Variants in OR4D2 observed in about 807,000 individuals in gnomAD.
OR4D2 encodes olfactory receptor 4D2.
A neutral mutation model predicts 12.4 loss-of-function variants in OR4D2; 9 were observed. The ratio of observed to expected loss-of-function variants is 0.73; its 90% CI spans 0.44 to 1.27. The LOEUF is 1.27. OR4D2 is among the 50% of genes most tolerant of loss of function. The pLI is 0.00. For synonymous variants in OR4D2, 151 were observed against 151.1 expected (o/e 1.00, Z 0.01); for missense variants, 373 against 381.6 (o/e 0.98, Z 0.19).
chr17:58,167,591 T>G (rs1335079308), intron 1 of OR4D2, among the ~76,000 whole-genome samples: 1 of 152,190 alleles, frequency 6.6e-6, no homozygotes, highest in African/African-American at 2.4e-5. Flanking sequence ...ACCCTCAGTT[T>G]ATCCACAGAG....
At position 58,170,133 on chromosome 17, in the gene OR4D2, C is replaced by T. The variant is rs770800908; in HGVS notation, c.478C>T (p.Leu160=). Residue 160 remains leucine, a synonymous_variant, in exon 2 of 2, where the codon CTG becomes TTG. Transcript: ENST00000545221. ...VGGFVHSIVQ[L]ALMLPLPFCG... is the part of the protein sequence containing the mutation. ...AGGCTTTGTCCACTCTATTGTCCAG[C>T]TGGCTCTGATGCTCCCACTGCCCTT... The T allele has an allele frequency of 1.2e-6, 2 of 1,614,138 alleles. No homozygotes were observed. Among genetic ancestry groups the T allele is most frequent in the South Asian group, 2.2e-5 (2 of 91,090 alleles).
intron 1 of OR4D2, 85 bp from the exon 2 acceptor site, chr17:58,169,553 C>A: frequency 2.3e-6 from 2 of 853,570 alleles, no homozygotes; most frequent in South Asian, 1.4e-5. Context: ...ATCATATGGG[C>A]CTAAAACCTT....
intron 1 of OR4D2, among the ~76,000 whole-genome samples, 161 bp downstream of exon 1, chr17:58,167,214 A>G (rs893919338): frequency 5.9e-5 from 9 of 152,340 alleles, no homozygotes; most frequent in Non-Finnish European, 8.8e-5. Flanking sequence ...TCTAGTTAAG[A>G]GAAGCAATAG....
At position 58,169,962 on chromosome 17, in the gene OR4D2, T is replaced by A. The variant is rs1967940062; in HGVS notation, c.307T>A (p.Phe103Ile). ...SYQGCMGQIF[F>I]FHFLGGAMVF... ...CCAGGGCTGCATGGGTCAGATCTTC[T>A]TCTTCCACTTTTTGGGAGGTGCCAT... Residue 103 changes from phenylalanine (F) to isoleucine (I), a missense_variant, in exon 2 of 2, where the codon TTC becomes ATC. Physicochemically the swap from Phe to Ile is conservative, Grantham distance 21. Transcript: ENST00000545221. 3.7e-6 allele frequency: 6 copies of A among 1,614,010 alleles called. No individual in the cohort carries two copies. The South Asian group carries it at 6.6e-5, about 18-fold the overall frequency.
rs369029579 is a variant in OR4D2, at chr17:58,169,617, T to G, written c.-18-21T>G. The G allele has an allele frequency of 3.5e-5, 53 of 1,522,514 alleles. No homozygotes were observed. In the African/African-American group the frequency reaches 4.5e-4, roughly 13 times the overall value. 94.3% of individuals were successfully genotyped at this position (1,522,514 alleles called of 1,614,324 possible). ...AAAGTAGTGACTTCATGTATCTGTG[T>G]CTGTGGTTCATTTTCTTCAGGTGTA... is the stretch of plus-strand genomic sequence containing the variant. On this transcript the variant is annotated intron_variant, in intron 1 of 1. Coordinates refer to ENST00000545221, the MANE Select transcript of OR4D2 (RefSeq NM_001004707.4).
chr17:58,167,931 A>G (rs1967908902), intron 1 of OR4D2, among the ~76,000 whole-genome samples: 1 of 127,822 alleles, frequency 7.8e-6, no homozygotes, highest in African/African-American at 3.1e-5. Flanking sequence ...TGAACCCGGG[A>G]GGCGGAGCTT....
intron 1 of OR4D2, 90 bp from the exon 2 acceptor site, chr17:58,169,548 A>T (rs79871996): frequency 0.11 from 88,823 of 812,004 alleles, 5,478 homozygotes; most frequent in South Asian, 0.15. Flanking sequence ...TGCTCATCAT[A>T]TGGGCCTAAA....
At chr17:58,167,879 T>G (rs1282281737) in intron 1 of OR4D2, among the ~76,000 whole-genome samples, 1 of 150,856 alleles carries the variant, frequency 6.6e-6, no homozygotes. Flanking sequence ...GGTGGGCGCC[T>G]GTAGTTCCAG....
At chr17:58,167,999 C>CAAA (rs1165311786) in intron 1 of OR4D2, among the ~76,000 whole-genome samples, 2,635 of 36,230 alleles carry the variant, frequency 0.073, 359 homozygotes, top group African/African-American at 0.12. Context: ...GACTCCGTCA[C>CAAA]AAAAAAAAAA....
intron 1 of OR4D2, 86 bp from the exon 2 acceptor site, chr17:58,169,552 G>T: frequency 1.2e-6 from 1 of 844,052 alleles, no homozygotes; most frequent in Non-Finnish European, 2.0e-6. Context: ...CATCATATGG[G>T]CCTAAAACCT....
At chr17:58,168,209 T>C (rs1967914482) in intron 1 of OR4D2, among the ~76,000 whole-genome samples, 1 of 151,034 alleles carries the variant, frequency 6.6e-6, no homozygotes, top group African/African-American at 2.4e-5. Flanking sequence ...TCTTTTTTTT[T>C]TGTTTTTGAT....
chr17:58,170,169 A>G lies in OR4D2; in HGVS notation c.514A>G (p.Asn172Asp). 6.2e-7 allele frequency: 1 copy of G among 1,614,100 alleles called. No individual in the cohort carries two copies. Residue 172 changes from asparagine (N) to aspartate (D), a missense_variant, in exon 2 of 2, where the codon AAC becomes GAC. Asn to Asp is a conservative substitution (Grantham distance 23). Transcript: ENST00000545221. ...LMLPLPFCGP[N>D]ILDNFYCDVP... is the part of the protein sequence containing the mutation. ...GCTCCCACTGCCCTTCTGTGGCCCC[A>G]ACATTTTGGATAACTTCTACTGTGA...
In OR4D2 at chr17:58,170,349, G is replaced by A. The variant is rs1418360762; in HGVS notation, c.694G>A (p.Ala232Thr). Reference protein sequence around the residue: ...LVMLRSHPGEARRKAASTCTT... With the variant: ...LVMLRSHPGETRRKAASTCTT... ...GATGCTGAGGTCACATCCAGGGGAG[G>A]CAAGAAGGAAGGCAGCTTCCACCTG... Residue 232 changes from alanine (A) to threonine (T), a missense_variant, in exon 2 of 2, where the codon GCA becomes ACA. Ala to Thr is a moderately conservative substitution (Grantham distance 58). Coordinates refer to ENST00000545221, the MANE Select transcript of OR4D2 (RefSeq NM_001004707.4). 2 of 1,614,172 alleles carry A rather than the reference G, an allele frequency of 1.2e-6. No homozygotes were observed. Among genetic ancestry groups the A allele is most frequent in the Non-Finnish European group, 1.7e-6 (2 of 1,180,018 alleles).
chr17:58,167,275 A>G (rs768915831), intron 1 of OR4D2, among the ~76,000 whole-genome samples: 24 of 152,250 alleles, frequency 1.6e-4, no homozygotes, highest in Non-Finnish European at 2.9e-4. Context: ...CTATTGGAAC[A>G]CAGAGAAATA....
Position 58,170,927 on chromosome 17 carries a change from CT to C in OR4D2, c.*352del. The C allele has an allele frequency of 3.0e-6, 1 of 336,002 alleles. No homozygotes were observed. The highest frequency in any genetic ancestry group is 5.7e-6 in the Non-Finnish European group (1 of 176,798). The allele number at this position is 336,002 out of a possible 1,614,324, so 20.8% of individuals were successfully genotyped here. On this transcript the variant is annotated 3_prime_UTR_variant, in exon 2 of 2. Transcript: ENST00000545221. ...TTTTGAGCTCTCTTCCCAATATTTC[CT>C]TTTGGTGTGAGTCTGGGTTGTTGGG...
chr17:58,169,122 T>C (rs1198516301), intron 1 of OR4D2, among the ~76,000 whole-genome samples: 1 of 152,198 alleles, frequency 6.6e-6, no homozygotes, highest in Non-Finnish European at 1.5e-5. Context: ...AAGAATCTTA[T>C]TACAGAGTGG....
At position 58,170,035 on chromosome 17, in the gene OR4D2, C is replaced by G. The variant is rs369785002; in HGVS notation, c.380C>G (p.Ser127Cys). The change falls in exon 2 of 2, where the codon TCC becomes TGC. Residue 127 changes from serine (S) to cysteine (C), a missense_variant. By Grantham distance (112) the Ser-to-Cys change is moderately radical. Coordinates refer to ENST00000545221, the MANE Select transcript of OR4D2 (RefSeq NM_001004707.4). ...GCCTTTGACCGCCTCATTGCCATCT[C>G]CCGGCCCCTCCGCTATGTCACCGTC... is the stretch of plus-strand genomic sequence containing the variant. ...VMAFDRLIAI[S>C]RPLRYVTVMN... is the part of the protein sequence containing the mutation. 1 of 1,614,006 alleles carries G rather than the reference C, an allele frequency of 6.2e-7. No homozygotes were observed. Among genetic ancestry groups the G allele is most frequent in the Non-Finnish European group, 8.5e-7 (1 of 1,180,044 alleles).
intron 1 of OR4D2, among the ~76,000 whole-genome samples, chr17:58,168,417 A>G (rs118111713): frequency 0.13 from 20,113 of 151,956 alleles, 1,730 homozygotes; most frequent in Middle Eastern, 0.27. Context: ...CATGTTGGCC[A>G]GGCTGGTCTC....
intron 1 of OR4D2, among the ~76,000 whole-genome samples, chr17:58,167,704 A>G (rs1967905660): frequency 2.0e-5 from 3 of 152,142 alleles, no homozygotes; most frequent in South Asian, 4.2e-4. Flanking sequence ...GGTCTCATGG[A>G]CAGCTGTGTA....
Sources: gnomAD v4.1 joint callset for allele counts (sites outside exome capture counted in the v4.1 genomes callset) on GRCh38, gnomAD v4.1.1 for gene constraint, MANE v1.5 for transcripts, NCBI Gene and HGNC (gene_info 2026-07-23, HGNC 2026-07-21) for gene names.